The following SPIDR variants were observed in gnomAD, a reference collection of about 807,000 sequenced individuals.
SPIDR encodes scaffold protein involved in DNA repair.
A neutral mutation model predicts 104.6 loss-of-function variants in SPIDR; 93 were observed. The ratio of observed to expected loss-of-function variants is 0.89; its 90% CI spans 0.75 to 1.06. The LOEUF is 1.06. SPIDR is among the 50% of genes least tolerant of loss of function. The pLI, the probability that SPIDR is intolerant of heterozygous loss-of-function variation, is 0.00. For synonymous variants in SPIDR, 431 were observed against 416.9 expected, an observed-to-expected ratio of 1.03 and a Z score of -0.41; for missense variants, 1,154 against 1,111.2, an observed-to-expected ratio of 1.04 and a Z score of -0.55.
chr8:47,346,531 C>T (rs1554618189), intron 5 of SPIDR, among the ~76,000 whole-genome samples: 1 of 152,108 alleles, frequency 6.6e-6, no homozygotes, highest in Non-Finnish European at 1.5e-5. Context: ...GAAATAGTTT[C>T]AGAAGGAATG....
intron 10 of SPIDR, among the ~76,000 whole-genome samples, chr8:47,613,164 C>T (rs182765816): frequency 5.3e-4 from 80 of 152,260 alleles, no homozygotes; most frequent in African/African-American, 1.7e-3. Flanking sequence ...TAACCCCTTC[C>T]CCAGCCCATT....
At chr8:47,309,468 G>T (rs2043726625) in intron 5 of SPIDR, among the ~76,000 whole-genome samples, 1 of 152,130 alleles carries the variant, frequency 6.6e-6, no homozygotes, top group Non-Finnish European at 1.5e-5. Context: ...TGTTGCATCT[G>T]TGCCAGAAAT....
chr8:47,280,252 AT>A (rs1337803199), intron 2 of SPIDR, among the ~76,000 whole-genome samples: 2 of 143,026 alleles, frequency 1.4e-5, no homozygotes, highest in African/African-American at 2.6e-5. Flanking sequence ...TTATTTATTT[AT>A]TTTTTTTGGA....
At chr8:47,429,413 CT>C (rs2066958908) in intron 7 of SPIDR, among the ~76,000 whole-genome samples, 1 of 152,184 alleles carries the variant, frequency 6.6e-6, no homozygotes, top group African/African-American at 2.4e-5. Context: ...AAAGCCGTGG[CT>C]TTCATGGGAT....
intron 16 of SPIDR, among the ~76,000 whole-genome samples, chr8:47,714,802 C>T (rs1175429036): frequency 1.3e-5 from 2 of 152,190 alleles, no homozygotes; most frequent in African/African-American, 4.8e-5. Context: ...AACTCTTCCT[C>T]CACTCATGGA....
rs757712881 is a variant in SPIDR, at chr8:47,735,269, G to A, written c.2605-38G>A. ...TGTTGTTGGGAACAGTACGTCCCAG[G>A]CTGTTTGCTTTAACCAGCGTGCCTT... On this transcript the variant is annotated intron_variant, in intron 19 of 19. Coordinates refer to ENST00000297423, the MANE Select transcript of SPIDR (RefSeq NM_001080394.4). 1.3e-5 allele frequency: 21 copies of A among 1,600,628 alleles called. No individual in the cohort carries two copies. In the Middle Eastern group the frequency reaches 5.0e-4, roughly 38 times the overall value.
intron 11 of SPIDR, among the ~76,000 whole-genome samples, chr8:47,686,159 G>A (rs545303751): frequency 6.6e-5 from 10 of 152,332 alleles, no homozygotes; most frequent in African/African-American, 1.9e-4. Flanking sequence ...AGCATAGTCT[G>A]AAAGCATCTG....
chr8:47,523,793 C>A (rs1187192088), intron 8 of SPIDR, among the ~76,000 whole-genome samples: 2 of 152,216 alleles, frequency 1.3e-5, no homozygotes, highest in Non-Finnish European at 2.9e-5. Context: ...CTAACTTCCT[C>A]AGGAAAACAG....
intron 1 of SPIDR, among the ~76,000 whole-genome samples, chr8:47,273,600 A>ATT (rs112128592): frequency 6.3e-5 from 9 of 142,652 alleles, no homozygotes; most frequent in African/African-American, 1.8e-4. Context: ...TTAATTGTTC[A>ATT]TTTTTTTTTT....
chr8:47,722,652 A>G (rs1393622140), intron 16 of SPIDR, among the ~76,000 whole-genome samples: 1 of 152,218 alleles, frequency 6.6e-6, no homozygotes, highest in Non-Finnish European at 1.5e-5. Flanking sequence ...GTATAACTAT[A>G]ATTAAGCTTT....
At chr8:47,344,804 T>C (rs1352196007) in intron 5 of SPIDR, among the ~76,000 whole-genome samples, 2 of 152,222 alleles carry the variant, frequency 1.3e-5, no homozygotes, top group East Asian at 3.9e-4. Flanking sequence ...TGCCCACTTT[T>C]TGATGGGGCT....
chr8:47,625,530 T>A (rs2065920732), intron 10 of SPIDR, among the ~76,000 whole-genome samples: 1 of 152,222 alleles, frequency 6.6e-6, no homozygotes, highest in Admixed American at 6.5e-5. Context: ...ATAAGCAACT[T>A]CAGCAAAGTC....
chr8:47,405,190 A>T (rs2062546024), intron 6 of SPIDR, among the ~76,000 whole-genome samples: 1 of 151,570 alleles, frequency 6.6e-6, no homozygotes, highest in East Asian at 1.9e-4. Flanking sequence ...AACATCACAC[A>T]CCGGGGCCTG....
intron 8 of SPIDR, among the ~76,000 whole-genome samples, chr8:47,470,581 T>C (rs563928201): frequency 3.3e-5 from 5 of 152,040 alleles, no homozygotes; most frequent in Non-Finnish European, 5.9e-5. Flanking sequence ...CGCCTGACCA[T>C]GAAGTGAGTT....
At chr8:47,635,973 A>C (rs1169669377) in intron 10 of SPIDR, among the ~76,000 whole-genome samples, 1 of 152,336 alleles carries the variant, frequency 6.6e-6, no homozygotes, top group South Asian at 2.1e-4. Flanking sequence ...TGTGAATGCT[A>C]TACAGGCATG....
intron 14 of SPIDR, 140 bp from the exon 15 acceptor site, chr8:47,712,522 G>T: frequency 9.9e-7 from 1 of 1,010,906 alleles, no homozygotes. Flanking sequence ...TGACCAAGAT[G>T]TGCAAAGTCT....
At chr8:47,367,233 A>G (rs1184082221) in intron 5 of SPIDR, among the ~76,000 whole-genome samples, 1 of 152,226 alleles carries the variant, frequency 6.6e-6, no homozygotes, top group Admixed American at 6.5e-5. Flanking sequence ...AGCAGTATCC[A>G]GGAGCCCAGA....
rs1034744615 is a variant in SPIDR, at chr8:47,453,863, C to G, written c.1097+13321C>G. Among the ~76,000 whole-genome samples the G allele has an allele frequency of 4.6e-5, 7 of 152,126 alleles. No individual in the cohort carries two copies. In the East Asian group the frequency reaches 5.8e-4, roughly 13 times the overall value. On this transcript the variant is annotated intron_variant, in intron 8 of 19. Transcript: ENST00000297423. ...CAAAGGAAGACATTTATGCAGCCAACAGACACATGAAAAAATGCTCATTAT... is the reference window on the plus strand; with the variant it reads ...CAAAGGAAGACATTTATGCAGCCAAGAGACACATGAAAAAATGCTCATTAT...
chr8:47,287,767 A>G (rs2039141755), intron 3 of SPIDR, among the ~76,000 whole-genome samples: 2 of 152,144 alleles, frequency 1.3e-5, no homozygotes, highest in South Asian at 4.1e-4. Flanking sequence ...TTCAAGGTGC[A>G]CTGATTTCAT....
Sources: allele counts gnomAD v4.1 joint callset (sites outside exome capture counted in the v4.1 genomes callset), GRCh38; gene constraint gnomAD v4.1.1; transcripts MANE v1.5; gene names NCBI Gene and HGNC (gene_info 2026-07-23, HGNC 2026-07-21).